Variants in DLGAP2 observed in about 807,000 individuals in gnomAD.
DLGAP2 encodes DLG associated protein 2, also known as disks large-associated protein 2.
DLGAP2 carries 26 observed loss-of-function variants against 100.3 expected under a neutral mutation model. The ratio of observed to expected loss-of-function variants is 0.26; its 90% confidence interval spans 0.19 to 0.36. The LOEUF (loss-of-function observed/expected upper bound fraction) is 0.36. Ranked by LOEUF, DLGAP2 falls within the 10% of genes least tolerant of loss-of-function variation. The pLI is 1.00. For missense variants in DLGAP2, 1,858 were observed against 1,453.2 expected (o/e 1.28, Z -4.53); for synonymous variants, 886 against 630.1 (o/e 1.41, Z -6.08).
intron 6 of DLGAP2, among the ~76,000 whole-genome samples, chr8:1,582,397 A>G: frequency 6.6e-6 from 1 of 152,154 alleles, no homozygotes; most frequent in African/African-American, 2.4e-5. Flanking sequence ...TTCATCGTAA[A>G]TGATTCTGGC....
chr8:1,691,864 G>T (rs1799270664), intron 13 of DLGAP2, among the ~76,000 whole-genome samples: 1 of 120,614 alleles, frequency 8.3e-6, no homozygotes, highest in African/African-American at 3.2e-5. Flanking sequence ...TACCGAGGCA[G>T]GGAGGCGGAT....
At chr8:1,358,072 C>T (rs1351362361) in intron 3 of DLGAP2, among the ~76,000 whole-genome samples, 2 of 152,132 alleles carry the variant, frequency 1.3e-5, no homozygotes, top group Non-Finnish European at 2.9e-5. Context: ...GCACAGGCAG[C>T]GTCAGAACGC....
At chr8:1,557,603 C>A (rs1802010336) in intron 5 of DLGAP2, among the ~76,000 whole-genome samples, 1 of 152,118 alleles carries the variant, frequency 6.6e-6, no homozygotes, top group African/African-American at 2.4e-5. Flanking sequence ...AGCTCGGGTG[C>A]CATGACGGGC....
intron 4 of DLGAP2, among the ~76,000 whole-genome samples, chr8:1,520,019 C>T (rs548497211): frequency 5.3e-5 from 8 of 152,312 alleles, no homozygotes; most frequent in African/African-American, 1.9e-4. Flanking sequence ...AGGTGTGGGC[C>T]ATCGCTGTTG....
intron 3 of DLGAP2, among the ~76,000 whole-genome samples, chr8:1,409,256 CTGAGCACAGAATTGTCT>C (rs556568821): frequency 2.2e-4 from 33 of 151,214 alleles, no homozygotes; most frequent in Non-Finnish European, 4.1e-4. Context: ...AGCCCTGGCC[CTGAGCACAGAATTGTCT>C]AGACCAGCTG....
chr8:1,691,050 A>G (rs1397269830), intron 12 of DLGAP2, among the ~76,000 whole-genome samples: 1 of 152,196 alleles, frequency 6.6e-6, no homozygotes, highest in Admixed American at 6.5e-5. Flanking sequence ...ACAGTTCATT[A>G]GAAATTATTT....
At chr8:1,333,443 A>G (rs1470011845) in intron 3 of DLGAP2, among the ~76,000 whole-genome samples, 1 of 152,104 alleles carries the variant, frequency 6.6e-6, no homozygotes. Flanking sequence ...CGTCCCTGAC[A>G]CTTTCCCATC....
chr8:1,370,082 G>A (rs1414234929), intron 3 of DLGAP2, among the ~76,000 whole-genome samples: 2 of 152,172 alleles, frequency 1.3e-5, no homozygotes, highest in African/African-American at 2.4e-5. Context: ...GACTAACACT[G>A]TCCCTAGGCA....
At chr8:806,800 T>C (rs1167914387) in intron 1 of DLGAP2, among the ~76,000 whole-genome samples, 1 of 152,228 alleles carries the variant, frequency 6.6e-6, no homozygotes. Context: ...GTCGCTCTTC[T>C]TATTAAAGAG....
chr8:1,233,988 G>C (rs1429575914), intron 2 of DLGAP2, among the ~76,000 whole-genome samples: 2 of 152,188 alleles, frequency 1.3e-5, no homozygotes, highest in African/African-American at 4.8e-5. Context: ...CCTGCACTGG[G>C]AGGGCTTCAT....
At chr8:1,340,100 T>C (rs1047229028) in intron 3 of DLGAP2, among the ~76,000 whole-genome samples, 2 of 152,236 alleles carry the variant, frequency 1.3e-5, no homozygotes, top group Admixed American at 1.3e-4. Flanking sequence ...TCAAGATGCA[T>C]TGAAGACTTT....
At chr8:1,057,437 A>G (rs528330653) in intron 2 of DLGAP2, among the ~76,000 whole-genome samples, 18 of 152,342 alleles carry the variant, frequency 1.2e-4, no homozygotes, top group Admixed American at 5.9e-4. Flanking sequence ...CATTAGGGTT[A>G]TGCACACAAG....
chr8:1,532,868 A>T (rs1379325102), intron 4 of DLGAP2, among the ~76,000 whole-genome samples: 1 of 152,204 alleles, frequency 6.6e-6, no homozygotes, highest in African/African-American at 2.4e-5. Flanking sequence ...GAGGAATACA[A>T]GTCCAGCCTA....
intron 1 of DLGAP2, among the ~76,000 whole-genome samples, chr8:790,006 G>A (rs1404193186): frequency 1.3e-5 from 2 of 152,184 alleles, no homozygotes; most frequent in African/African-American, 4.8e-5. Context: ...GATGGCAGTG[G>A]TAATTCAGTC....
chr8:1,476,205 G>A lies in DLGAP2; in HGVS notation c.107-25161G>A, dbSNP rs148777042. On this transcript the variant is annotated intron_variant, in intron 3 of 14. Transcript: ENST00000637795. Reference sequence around the variant, plus strand: ...AGGTGCTTTCATGGATGCGTGGCTCGTCCTGGTACATCTCTTAGCTTTTAG... The same window carrying A: ...AGGTGCTTTCATGGATGCGTGGCTCATCCTGGTACATCTCTTAGCTTTTAG... Among the ~76,000 whole-genome samples, 138 of 152,274 alleles carry A rather than the reference G, an allele frequency of 9.1e-4. No homozygotes were observed. The Middle Eastern group carries it at 0.027, about 30-fold the overall frequency.
chr8:1,337,287 C>A (rs906999455), intron 3 of DLGAP2, among the ~76,000 whole-genome samples: 2 of 50,174 alleles, frequency 4.0e-5, no homozygotes, highest in African/African-American at 2.0e-4. Flanking sequence ...GTGGTGGTGG[C>A]GATGGTGATG....
rs1460859827 is a variant in DLGAP2 at position 795,900 on chromosome 8, GCAGCTGTCCAGTGAGAA to G, written c.18+58079_18+58095del. On this transcript the variant is annotated intron_variant, in intron 1 of 14. Coordinates refer to ENST00000637795, the MANE Select transcript of DLGAP2 (RefSeq NM_001346810.2). Reference sequence around the variant, plus strand: ...CAGTGAGAGCAGGCGTCCAGTGAGAGCAGCTGTCCAGTGAGAACAGGCGTCCAGTGAGAGCAGGCGTC... The same window carrying G: ...CAGTGAGAGCAGGCGTCCAGTGAGAGCAGGCGTCCAGTGAGAGCAGGCGTC... Among the ~76,000 whole-genome samples the G allele has an allele frequency of 2.3e-4, 28 of 123,518 alleles. 2 individuals are homozygous for G. The highest frequency in any genetic ancestry group is 7.1e-4 in the Admixed American group (8 of 11,204). 81.0% of individuals were successfully genotyped at this position (123,518 alleles called of 152,430 possible).
At chr8:886,901 G>C (rs181599047) in intron 1 of DLGAP2, among the ~76,000 whole-genome samples, 3 of 152,194 alleles carry the variant, frequency 2.0e-5, no homozygotes, top group Non-Finnish European at 2.9e-5. Flanking sequence ...ATCTAGAGCT[G>C]AGTTCAAGTC....
chr8:1,432,783 C>T (rs1003958944), intron 3 of DLGAP2, among the ~76,000 whole-genome samples: 3 of 152,302 alleles, frequency 2.0e-5, no homozygotes, highest in East Asian at 1.9e-4. Flanking sequence ...GTGATTCCCG[C>T]GATCGCGTGT....
Sources: gnomAD v4.1 joint callset for allele counts (sites outside exome capture counted in the v4.1 genomes callset) on GRCh38, gnomAD v4.1.1 for gene constraint, MANE v1.5 for transcripts, NCBI Gene and HGNC (gene_info 2026-07-23, HGNC 2026-07-21) for gene names.